Variants in AURKB observed in about 807,000 individuals in gnomAD.
AURKB encodes aurora kinase B.
A neutral mutation model predicts 36.5 loss-of-function variants in AURKB; 28 were observed. The observed-to-expected ratio is 0.77, with a 90% CI of 0.57 to 1.05. The LOEUF is 1.05. Ranked by LOEUF, AURKB falls within the 50% of genes least tolerant of loss-of-function variation. The probability of loss-of-function intolerance (pLI) is 0.00; values close to 1 mark genes in which losing one functional copy is unlikely to be tolerated. For missense variants in AURKB, 383 were observed against 447.4 expected (o/e 0.86, Z 1.30); for synonymous variants, 175 against 172.9 (o/e 1.01, Z -0.09).
rs2151467071 is a variant in AURKB at position 8,205,397 on chromosome 17, G to A, written c.687-7C>T. 6.2e-7 allele frequency: 1 copy of A among 1,613,688 alleles called. No individual in the cohort carries two copies. Among genetic ancestry groups the A allele is most frequent in the Non-Finnish European group, 8.5e-7 (1 of 1,179,760 alleles). On this transcript the variant is annotated splice_polypyrimidine_tract_variant and splice_region_variant and intron_variant, in intron 7 of 8. Transcript: ENST00000585124. ...GCCACACATTGTCTTCCTCCTGGGA[G>A]GGATAAGGGGCGTGGGCAGGGGTCC...
rs748036368 is a variant in AURKB, at chr17:8,204,971, G to A, written c.935C>T (p.Pro312Leu). Residue 312 changes from proline to leucine, a missense_variant, in exon 9 of 9, where the codon CCC (proline) becomes CTC (leucine). Pro to Leu is a moderately conservative substitution (Grantham distance 98, BLOSUM62 -3). This residue lies in a region of AURKB where 219 missense variants were observed against 252.6 expected (regional missense o/e 0.87). Transcript: ENST00000585124. The stretch of plus-strand genomic sequence containing the variant: ...CTGGGCCAGGGGCAGCCGTTCCGAG[G>A]GGTTATGCCTGAGCAGTTTGGAGAT... ...DLISKLLRHNPSERLPLAQVS... is the reference protein window; with the variant it reads ...DLISKLLRHNLSERLPLAQVS... 2 of 1,609,508 alleles carry A rather than the reference G, an allele frequency of 1.2e-6. No homozygotes were observed. Among genetic ancestry groups the A allele is most frequent in the South Asian group, 2.2e-5 (2 of 90,962 alleles).
chr17:8,206,575 A>C lies in AURKB; in HGVS notation c.602T>G (p.Ile201Arg). 1 of 1,614,132 alleles carries C rather than the reference A, an allele frequency of 6.2e-7. No individual in the cohort carries two copies. The highest frequency in any genetic ancestry group is 2.2e-5 in the East Asian group (1 of 44,866). Residue 201 changes from isoleucine to arginine, a missense_variant, in exon 7 of 9, where the codon ATA becomes AGA. Ile to Arg is a moderately conservative substitution (Grantham distance 97). Around this residue, in one of 3 missense-constraint regions of AURKB, gnomAD observed 219 missense variants for 252.6 expected, o/e 0.87. Coordinates refer to ENST00000585124, the MANE Select transcript of AURKB (RefSeq NM_004217.4). The surrounding 1 kb of genome is among the most constrained non-coding windows in gnomAD (Gnocchi z 4.2). ...CCCTAAGAGCAGATTTTCTGGCTTTATGTCTCTGTGAATCACCTTCTTCCC... is the reference window on the plus strand; with the variant it reads ...CCCTAAGAGCAGATTTTCTGGCTTTCTGTCTCTGTGAATCACCTTCTTCCC... ...CHGKKVIHRD[I>R]KPENLLLGLK...
intron 2 of AURKB, among the ~76,000 whole-genome samples, chr17:8,208,633 A>AAATAAATAAAT (rs1567576430): frequency 1.1e-5 from 1 of 92,576 alleles, no homozygotes; most frequent in African/African-American, 3.7e-5. Context: ...AATAAATAAA[A>AAATAAATAAAT]AATAAATAAC....
intron 7 of AURKB, among the ~76,000 whole-genome samples, chr17:8,205,880 T>G (rs1416356032): frequency 1.3e-5 from 2 of 151,884 alleles, no homozygotes; most frequent in African/African-American, 4.8e-5. Context: ...CCCGAACAGC[T>G]GGGATTACAA....
At position 8,205,044 on chromosome 17, in the gene AURKB, C is replaced by G; in HGVS notation, c.862G>C (p.Val288Leu). 1 of 1,582,332 alleles carries G rather than the reference C, an allele frequency of 6.3e-7. No homozygotes were observed. The highest frequency in any genetic ancestry group is 8.6e-7 in the Non-Finnish European group (1 of 1,166,922). The change falls in exon 9 of 9, where the codon GTG becomes CTG. Residue 288 changes from valine (V) to leucine (L), a missense_variant and splice_region_variant. Val to Leu is a conservative substitution (Grantham distance 32). Around this residue, in one of 3 missense-constraint regions of AURKB, gnomAD observed 219 missense variants for 252.6 expected, o/e 0.87. Transcript: ENST00000585124. Reference protein sequence around the residue: ...HNETYRRIVKVDLKFPASVPM... With the variant: ...HNETYRRIVKLDLKFPASVPM... ...ACGGAAGCGGGGAACTTTAGGTCCA[C>G]CTGCAGGTGTGAAGAGATGGAAGGG...
In AURKB at chr17:8,206,126, A is replaced by C. The variant is rs972659158; in HGVS notation, c.686+365T>G. Among the ~76,000 whole-genome samples the C allele has an allele frequency of 5.6e-5, 8 of 143,310 alleles. No individual in the cohort carries two copies. Among genetic ancestry groups the C allele is most frequent in the African/African-American group, 2.0e-4 (8 of 39,456 alleles). 94.0% of individuals were successfully genotyped at this position (143,310 alleles called of 152,430 possible). On this transcript the variant is annotated intron_variant, in intron 7 of 8. Transcript: ENST00000585124. The surrounding 1 kb of genome is among the most constrained non-coding windows in gnomAD (Gnocchi z 4.2). ...CTTGGGGTTATTAGCACCACACTCT[A>C]ACCATTTTTTTTTTTTTTTTTTGAG...
chr17:8,207,148 C>A, intron 5 of AURKB, 28 bp downstream of exon 5: 1 of 1,598,176 alleles, frequency 6.3e-7, no homozygotes, highest in Non-Finnish European at 8.6e-7. Context: ...AGCAGAGGGG[C>A]TTCGGCTCAG....
chr17:8,207,093 G>C, intron 5 of AURKB, 83 bp downstream of exon 5: 1 of 1,512,660 alleles, frequency 6.6e-7, no homozygotes, highest in African/African-American at 1.4e-5. Flanking sequence ...TACAGAGAAA[G>C]CAATCTGGAT....
chr17:8,207,445 C>A, intron 4 of AURKB, 78 bp from the exon 5 acceptor site: 1 of 1,564,036 alleles, frequency 6.4e-7, no homozygotes, highest in South Asian at 1.2e-5. Context: ...GCTTCCTCAT[C>A]CCATCCTGTC....
intron 5 of AURKB, 114 bp from the exon 6 acceptor site, chr17:8,207,002 T>C (rs1475413499): frequency 2.0e-6 from 3 of 1,522,276 alleles, no homozygotes; most frequent in East Asian, 4.5e-5. Flanking sequence ...GGGCTGGGAG[T>C]GGTAAGGGGA....
At chr17:8,207,098 C>G in intron 5 of AURKB, 78 bp downstream of exon 5, 1 of 1,523,848 alleles carries the variant, frequency 6.6e-7, no homozygotes, top group Non-Finnish European at 8.9e-7. Context: ...AGAAAGCAAT[C>G]TGGATGAAGT....
At chr17:8,205,581 C>T (rs537977030) in intron 7 of AURKB, among the ~76,000 whole-genome samples, 191 bp from the exon 8 acceptor site, 1 of 152,282 alleles carries the variant, frequency 6.6e-6, no homozygotes, top group Admixed American at 6.5e-5. Flanking sequence ...AGCCTGCACA[C>T]AGCCCAGCAA....
chr17:8,208,654 C>G (rs1050930653), intron 2 of AURKB, among the ~76,000 whole-genome samples: 2 of 151,182 alleles, frequency 1.3e-5, no homozygotes, highest in African/African-American at 2.4e-5. Flanking sequence ...CTAAGTAGGC[C>G]TAAGATAAGG....
intron 5 of AURKB, 127 bp from the exon 6 acceptor site, chr17:8,207,015 C>T: frequency 6.7e-7 from 1 of 1,493,408 alleles, no homozygotes. Context: ...TAAGGGGAAA[C>T]TGGAGGCAGA....
rs60763099 is a variant in AURKB at position 8,208,593 on chromosome 17, AAAATAAATAAATAAAT to A, written c.49-769_49-754del. ...GCAACACAGTGAGGCTCCGTCTCAA[AAAATAAATAAATAAAT>A]AAATAAATAAATAAATAAATAAAAA... On this transcript the variant is annotated intron_variant, in intron 2 of 8. Transcript: ENST00000585124. Among the ~76,000 whole-genome samples, 11 of 141,334 alleles carry A rather than the reference AAAATAAATAAATAAAT, an allele frequency of 7.8e-5. 1 individual carries two copies. The highest frequency in any genetic ancestry group is 2.3e-4 in the South Asian group (1 of 4,418). 92.7% of individuals were successfully genotyped at this position (141,334 alleles called of 152,430 possible).
At chr17:8,209,336 T>C (rs983113665) in intron 2 of AURKB, among the ~76,000 whole-genome samples, 2 of 151,434 alleles carry the variant, frequency 1.3e-5, no homozygotes, top group African/African-American at 4.8e-5. Context: ...AAATAATAGG[T>C]ACATTTTCTT....
In AURKB at chr17:8,205,009, T is replaced by G; in HGVS notation, c.897A>C (p.Gly299=). ...DLKFPASVPM[G]AQDLISKLLR... The stretch of plus-strand genomic sequence containing the variant: ...GCAGTTTGGAGATGAGGTCCTGGGC[T>G]CCCATGGGCACGGAAGCGGGGAACT... Residue 299 remains glycine (G), a synonymous_variant, in exon 9 of 9, where the codon GGA becomes GGC. Transcript: ENST00000585124. 1 of 1,597,188 alleles carries G rather than the reference T, an allele frequency of 6.3e-7. No individual in the cohort carries two copies. The highest frequency in any genetic ancestry group is 8.5e-7 in the Non-Finnish European group (1 of 1,174,300).
rs1985262384 is a variant in AURKB at position 8,206,275 on chromosome 17, C to T, written c.686+216G>A. On this transcript the variant is annotated intron_variant, in intron 7 of 8. Transcript: ENST00000585124. The surrounding 1 kb of genome is among the most constrained non-coding windows in gnomAD (Gnocchi z 4.2). ...CCTCCCCAGTAGCTGGGATTACTGGCGTCCGCCACCATGGCCGGCTAATTT... is the reference window on the plus strand; with the variant it reads ...CCTCCCCAGTAGCTGGGATTACTGGTGTCCGCCACCATGGCCGGCTAATTT... Among the ~76,000 whole-genome samples the T allele has an allele frequency of 6.6e-6, 1 of 151,980 alleles. No homozygotes were observed. The highest frequency in any genetic ancestry group is 1.5e-5 in the Non-Finnish European group (1 of 67,992).
chr17:8,210,245 G>A lies in AURKB; in HGVS notation c.-21C>T, dbSNP rs931433456. On this transcript the variant is annotated 5_prime_UTR_variant, in exon 2 of 9. Coordinates refer to ENST00000585124, the MANE Select transcript of AURKB (RefSeq NM_004217.4). ...GCCATCCTTAGAGAGAAAGGGGGAG[G>A]AGAGCTGGGCGGAGAAGGGAAACAG... 6.3e-7 allele frequency: 1 copy of A among 1,588,432 alleles called. No individual in the cohort carries two copies. Among genetic ancestry groups the A allele is most frequent in the South Asian group, 1.1e-5 (1 of 88,054 alleles).
Sources: gnomAD v4.1 joint callset for allele counts (sites outside exome capture counted in the v4.1 genomes callset) on GRCh38, gnomAD v4.1.1 for gene constraint, gnomAD v4.1.1 regional missense constraint, Gnocchi (gnomAD v3.1) non-coding constraint, MANE v1.5 for transcripts, NCBI Gene and HGNC (gene_info 2026-07-23, HGNC 2026-07-21) for gene names.